The following TMOD3 variants were observed in gnomAD, a reference collection of about 807,000 sequenced individuals.
The protein encoded by TMOD3 is tropomodulin 3.
TMOD3 carries 20 observed loss-of-function variants against 39.2 expected under a neutral mutation model. That is an observed-to-expected ratio of 0.51 (90% CI 0.36 to 0.74). TMOD3 has a LOEUF of 0.74. TMOD3 is among the 30% of genes least tolerant of loss of function. The probability of loss-of-function intolerance (pLI) is 0.00; values close to 1 mark genes in which losing one functional copy is unlikely to be tolerated. For synonymous variants in TMOD3, 143 were observed against 145.8 expected, an observed-to-expected ratio of 0.98 and a Z score of 0.14; for missense variants, 381 against 412.8, an observed-to-expected ratio of 0.92 and a Z score of 0.67.
At position 51,889,113 on chromosome 15, in the gene TMOD3, G is replaced by A. The variant is rs755973386; in HGVS notation, c.464G>A (p.Ser155Asn). 1.9e-6 allele frequency: 3 copies of A among 1,601,960 alleles called. No individual in the cohort carries two copies. The highest frequency in any genetic ancestry group is 2.6e-6 in the Non-Finnish European group (3 of 1,175,306). Residue 155 changes from serine (S) to asparagine (N), a missense_variant, in exon 5 of 10, where the codon AGT becomes AAT. Ser to Asn is a conservative substitution (Grantham distance 46, BLOSUM62 1). Coordinates refer to ENST00000308580, the MANE Select transcript of TMOD3 (RefSeq NM_014547.5). ...ACAAAGTTCTGTAATATAATGGGAAGTAGTAATGGTGTTGACCAAGAACAT... is the reference window on the plus strand; with the variant it reads ...ACAAAGTTCTGTAATATAATGGGAAATAGTAATGGTGTTGACCAAGAACAT... ...TNTKFCNIMG[S>N]SNGVDQEHFS...
intron 3 of TMOD3, among the ~76,000 whole-genome samples, chr15:51,886,026 C>T (rs902213651): frequency 3.2e-4 from 49 of 151,608 alleles, no homozygotes; most frequent in Middle Eastern, 3.4e-3. Context: ...ACTTCCCAGA[C>T]GGGGTGGCTG....
At chr15:51,844,784 A>T (rs557839239) in intron 1 of TMOD3, among the ~76,000 whole-genome samples, 23 of 152,344 alleles carry the variant, frequency 1.5e-4, no homozygotes, top group Admixed American at 2.6e-4. Context: ...ATGGAAATCA[A>T]TGTGAAAATA....
rs763298402 is a variant in TMOD3 at position 51,900,271 on chromosome 15, C to A, written c.852C>A (p.Thr284=). 2 of 1,613,908 alleles carry A rather than the reference C, an allele frequency of 1.2e-6. No individual in the cohort carries two copies. Among genetic ancestry groups the A allele is most frequent in the African/African-American group, 2.7e-5 (2 of 74,880 alleles). Residue 284 remains threonine, a synonymous_variant, in exon 8 of 10, where the codon ACC becomes ACA. Transcript: ENST00000308580. ...ALIDALRDNE[T]LAELKIDNQR... is the part of the protein sequence containing the mutation. ...TTGATGCGTTAAGAGATAATGAAAC[C>A]CTGGCAGAGCTCAAGATTGACAATC...
chr15:51,900,056 C>T, intron 7 of TMOD3, 99 bp from the exon 8 acceptor site: 4 of 1,089,792 alleles, frequency 3.7e-6, no homozygotes, highest in Non-Finnish European at 5.2e-6. Flanking sequence ...TAATGACAAA[C>T]ATTAAGGCAG....
In TMOD3 at chr15:51,912,607, C is replaced by T. The variant is rs2056717220; in HGVS notation, c.*3797C>T. Reference sequence around the variant, plus strand: ...TTTTTCCCTAAAAAACTAGGAACCACTGTTAACCTCCCAGCAGATGCAAGG... The same window carrying T: ...TTTTTCCCTAAAAAACTAGGAACCATTGTTAACCTCCCAGCAGATGCAAGG... On this transcript the variant is annotated 3_prime_UTR_variant, in exon 10 of 10. Transcript: ENST00000308580. 1 of 152,118 alleles carries T rather than the reference C, an allele frequency of 6.6e-6. No homozygotes were observed. The highest frequency in any genetic ancestry group is 6.6e-5 in the Admixed American group (1 of 15,260). 9.4% of individuals were successfully genotyped at this position (152,118 alleles called of 1,614,324 possible). A position where few individuals can be genotyped will look rare whatever the true frequency, so the allele number is the denominator to read the frequency against.
intron 3 of TMOD3, among the ~76,000 whole-genome samples, chr15:51,879,960 A>G (rs1191578657): frequency 6.6e-6 from 1 of 152,032 alleles, no homozygotes; most frequent in East Asian, 1.9e-4. Context: ...ATCCTGCAAG[A>G]CATTGAGAGC....
chr15:51,864,119 G>T (rs2056432932), intron 2 of TMOD3, among the ~76,000 whole-genome samples: 1 of 152,092 alleles, frequency 6.6e-6, no homozygotes, highest in African/African-American at 2.4e-5. Flanking sequence ...ACAAAAATTA[G>T]CTGGGCATGG....
intron 1 of TMOD3, among the ~76,000 whole-genome samples, chr15:51,832,425 T>A (rs2056261231): frequency 6.6e-6 from 1 of 151,876 alleles, no homozygotes; most frequent in Non-Finnish European, 1.5e-5. Flanking sequence ...TGGTCATCTC[T>A]TTCCCCAGGC....
intron 7 of TMOD3, among the ~76,000 whole-genome samples, chr15:51,897,482 A>ATTTTT (rs1167476019): frequency 4.4e-5 from 5 of 113,080 alleles, no homozygotes; most frequent in Non-Finnish European, 6.9e-5. Flanking sequence ...AAAAAAAAAA[A>ATTTTT]TTTTTTTTTT....
At chr15:51,897,972 G>T (rs976333640) in intron 7 of TMOD3, among the ~76,000 whole-genome samples, 1 of 151,694 alleles carries the variant, frequency 6.6e-6, no homozygotes, top group African/African-American at 2.4e-5. Flanking sequence ...CTCCTAATTG[G>T]GTTACCTTCA....
chr15:51,906,658 T>C (rs1169201546), intron 9 of TMOD3, among the ~76,000 whole-genome samples: 1 of 152,216 alleles, frequency 6.6e-6, no homozygotes, highest in Non-Finnish European at 1.5e-5. Flanking sequence ...TTATAGCATC[T>C]GAAGTGGTAT....
intron 1 of TMOD3, chr15:51,860,130 G>T: frequency 4.2e-6 from 2 of 476,294 alleles, no homozygotes; most frequent in South Asian, 3.2e-5. Flanking sequence ...TCCCGTTTGT[G>T]ACTCGATCTC....
intron 1 of TMOD3, among the ~76,000 whole-genome samples, chr15:51,862,023 A>G (rs950202770): frequency 3.9e-5 from 6 of 152,180 alleles, no homozygotes; most frequent in Admixed American, 2.0e-4. Context: ...CGCCTTTCCT[A>G]TAGAACAGTC....
chr15:51,840,112 GTC>G (rs1320151974), intron 1 of TMOD3, among the ~76,000 whole-genome samples: 1 of 152,172 alleles, frequency 6.6e-6, no homozygotes, highest in Admixed American at 6.5e-5. Context: ...ATAGATTGTG[GTC>G]TCTCTGTCAG....
chr15:51,901,865 ATTG>A (rs771959483), intron 8 of TMOD3, 24 bp from the exon 9 acceptor site: 69 of 1,603,770 alleles, frequency 4.3e-5, no homozygotes, highest in Non-Finnish European at 5.8e-5. Context: ...GTTTATTAAT[ATTG>A]TTCTTTTTTT....
chr15:51,833,426 G>A (rs531614985), intron 1 of TMOD3: 1 of 152,312 alleles, frequency 6.6e-6, no homozygotes, highest in East Asian at 1.9e-4. Context: ...ATAATATCCA[G>A]TTCAAGGAGT....
At chr15:51,883,569 T>A (rs752721946) in intron 3 of TMOD3, among the ~76,000 whole-genome samples, 2 of 152,216 alleles carry the variant, frequency 1.3e-5, no homozygotes, top group Admixed American at 6.6e-5. Flanking sequence ...GCTCACATAC[T>A]GATCATTTTT....
intron 2 of TMOD3, among the ~76,000 whole-genome samples, chr15:51,868,411 T>C (rs971943989): frequency 3.9e-5 from 6 of 152,128 alleles, no homozygotes; most frequent in African/African-American, 1.4e-4. Context: ...CTAATACCTG[T>C]TAGTTATTTT....
rs1454658444 is a variant in TMOD3 at position 51,901,880 on chromosome 15, T to TA, written c.880-10dup. On this transcript the variant is annotated splice_polypyrimidine_tract_variant and intron_variant, in intron 8 of 9. Coordinates refer to ENST00000308580, the MANE Select transcript of TMOD3 (RefSeq NM_014547.5). ...GTTTATTAATATTGTTCTTTTTTTC[T>TA]AATTACTCCAGAGGCAGCAGTTGGG... The TA allele has an allele frequency of 6.2e-7, 1 of 1,604,266 alleles. No homozygotes were observed. The highest frequency in any genetic ancestry group is 2.2e-5 in the East Asian group (1 of 44,840).
Sources: allele counts gnomAD v4.1 joint callset (sites outside exome capture counted in the v4.1 genomes callset), GRCh38; gene constraint gnomAD v4.1.1; transcripts MANE v1.5; gene names NCBI Gene and HGNC (gene_info 2026-07-23, HGNC 2026-07-21).